The following RSU1 variants were observed in gnomAD, a reference collection of about 807,000 sequenced individuals.
RSU1 encodes the protein Ras suppressor protein 1.
In RSU1, 26 loss-of-function variants were observed where a neutral mutation model predicts 31.1. The observed-to-expected ratio is 0.84, with a 90% CI of 0.61 to 1.16. RSU1 has a LOEUF of 1.16. RSU1 is among the 50% of genes most tolerant of loss of function. The pLI, the probability that RSU1 is intolerant of heterozygous loss-of-function variation, is 0.00. For synonymous variants in RSU1, 164 were observed against 136.3 expected (o/e 1.20, Z -1.41); for missense variants, 320 against 339.1 (o/e 0.94, Z 0.44).
chr10:16,794,029 ATT>A (rs1837978692), intron 2 of RSU1, among the ~76,000 whole-genome samples: 3 of 152,108 alleles, frequency 2.0e-5, no homozygotes, highest in South Asian at 4.1e-4. Flanking sequence ...GGAAGGGAGA[ATT>A]CATGAAGATC....
intron 8 of RSU1, among the ~76,000 whole-genome samples, chr10:16,665,238 C>T (rs1349389959): frequency 2.0e-5 from 3 of 152,108 alleles, no homozygotes; most frequent in East Asian, 1.9e-4. Context: ...AGCCACCACA[C>T]CTGGTCACGT....
Position 16,814,636 on chromosome 10 carries a change from G to C in RSU1, c.109+2337C>G, listed in dbSNP as rs76768550. ...TAGGCTCCGAGAAGTCCTGAGGTCAGGGAGTTTGCAGAGAGCAGCCTTGGC... is the reference window on the plus strand; with the variant it reads ...TAGGCTCCGAGAAGTCCTGAGGTCACGGAGTTTGCAGAGAGCAGCCTTGGC... On this transcript the variant is annotated intron_variant, in intron 2 of 8. Coordinates refer to ENST00000345264, the MANE Select transcript of RSU1 (RefSeq NM_012425.4). 2.2e-3 allele frequency among the ~76,000 whole-genome samples: 337 copies of C among 152,266 alleles called. 2 individuals carry two copies. The highest frequency in any genetic ancestry group is 7.5e-3 in the African/African-American group (311 of 41,562).
At chr10:16,722,671 C>A (rs146670748) in intron 7 of RSU1, among the ~76,000 whole-genome samples, 2 of 151,792 alleles carry the variant, frequency 1.3e-5, no homozygotes, top group African/African-American at 4.8e-5. Context: ...TACAGAAGGG[C>A]CAAATAGACA....
At chr10:16,656,112 CATA>C (rs1381000246) in intron 8 of RSU1, among the ~76,000 whole-genome samples, 1 of 151,916 alleles carries the variant, frequency 6.6e-6, no homozygotes, top group African/African-American at 2.4e-5. Context: ...TTAGGTTGCA[CATA>C]ATAATTAGAG....
intron 3 of RSU1, among the ~76,000 whole-genome samples, chr10:16,776,416 G>A (rs1380764724): frequency 6.6e-6 from 1 of 151,592 alleles, no homozygotes; most frequent in Non-Finnish European, 1.5e-5. Context: ...CACCAAAGAA[G>A]GTATCTTAGT....
chr10:16,690,829 G>A (rs527459703), intron 8 of RSU1, among the ~76,000 whole-genome samples: 2 of 152,182 alleles, frequency 1.3e-5, no homozygotes, highest in Admixed American at 6.5e-5. Flanking sequence ...GAAAAAAGCG[G>A]TTGGGGTGGG....
At chr10:16,747,369 CT>C (rs1433295011) in intron 7 of RSU1, among the ~76,000 whole-genome samples, 3 of 152,136 alleles carry the variant, frequency 2.0e-5, no homozygotes, top group Non-Finnish European at 2.9e-5. Flanking sequence ...ATGAGACACC[CT>C]TAAGGCATCT....
At chr10:16,633,485 C>A (rs1368224159) in intron 8 of RSU1, among the ~76,000 whole-genome samples, 1 of 152,088 alleles carries the variant, frequency 6.6e-6, no homozygotes, top group Non-Finnish European at 1.5e-5. Flanking sequence ...AGAGCTGTTA[C>A]CCCAAGCTAG....
At chr10:16,806,164 T>C (rs952889121) in intron 2 of RSU1, among the ~76,000 whole-genome samples, 3 of 152,374 alleles carry the variant, frequency 2.0e-5, no homozygotes, top group Admixed American at 6.5e-5. Flanking sequence ...CCTGTTTCCC[T>C]GGTTCAAATG....
chr10:16,639,713 TG>T (rs529388829), intron 8 of RSU1, among the ~76,000 whole-genome samples: 109 of 152,328 alleles, frequency 7.2e-4, no homozygotes, highest in African/African-American at 2.5e-3. Flanking sequence ...GGAAACACTT[TG>T]TCAAACAACT....
At chr10:16,686,013 C>T (rs1387534461) in intron 8 of RSU1, among the ~76,000 whole-genome samples, 2 of 152,150 alleles carry the variant, frequency 1.3e-5, no homozygotes, top group Non-Finnish European at 2.9e-5. Context: ...ACATAACTCA[C>T]ATTTAAGTTT....
chr10:16,754,113 T>C (rs1029604671), intron 5 of RSU1, among the ~76,000 whole-genome samples: 17 of 152,102 alleles, frequency 1.1e-4, no homozygotes, highest in Admixed American at 8.5e-4. Flanking sequence ...GAGAAAGTCA[T>C]AGAAAGGTAA....
At chr10:16,599,602 G>C (rs899975380) in intron 8 of RSU1, among the ~76,000 whole-genome samples, 1 of 152,218 alleles carries the variant, frequency 6.6e-6, no homozygotes, top group Non-Finnish European at 1.5e-5. Flanking sequence ...ATATGCAAGA[G>C]GAAGATGAAG....
At chr10:16,705,942 C>G (rs1835891048) in intron 7 of RSU1, among the ~76,000 whole-genome samples, 1 of 152,152 alleles carries the variant, frequency 6.6e-6, no homozygotes, top group Non-Finnish European at 1.5e-5. Flanking sequence ...ACACCCAGCC[C>G]AAATGTTTTT....
chr10:16,629,249 C>T (rs59462594), intron 8 of RSU1, among the ~76,000 whole-genome samples: 5,128 of 152,158 alleles, frequency 0.034, 297 homozygotes, highest in African/African-American at 0.12. Flanking sequence ...CAGGTGATAT[C>T]GATGCTGCTG....
chr10:16,739,786 T>A (rs571692864), intron 7 of RSU1, among the ~76,000 whole-genome samples: 1 of 152,108 alleles, frequency 6.6e-6, no homozygotes, highest in African/African-American at 2.4e-5. Context: ...TAATTTTGTA[T>A]TTTTTGTTGA....
chr10:16,816,868 TG>T, intron 2 of RSU1, 104 bp downstream of exon 2: 2 of 771,056 alleles, frequency 2.6e-6, no homozygotes, highest in Non-Finnish European at 4.5e-6. Context: ...AAGCAGGGGC[TG>T]GGGTCTAAAC....
chr10:16,667,868 G>A (rs1371090826), intron 8 of RSU1, among the ~76,000 whole-genome samples: 2 of 152,040 alleles, frequency 1.3e-5, no homozygotes, highest in East Asian at 3.9e-4. Context: ...TAGGCTCTAA[G>A]CAAAATTTGG....
chr10:16,772,509 G>T (rs1259481913), intron 3 of RSU1, among the ~76,000 whole-genome samples: 23 of 151,954 alleles, frequency 1.5e-4, no homozygotes, highest in African/African-American at 5.6e-4. Flanking sequence ...GGGAGAGGCA[G>T]CACTGAGAGG....
Sources: allele counts gnomAD v4.1 joint callset (sites outside exome capture counted in the v4.1 genomes callset), GRCh38; gene constraint gnomAD v4.1.1; transcripts MANE v1.5; gene names NCBI Gene and HGNC (gene_info 2026-07-23, HGNC 2026-07-21).